Variants in ARHGEF11 observed in about 807,000 individuals in gnomAD.
ARHGEF11 encodes the protein Rho guanine nucleotide exchange factor 11, also known as Rho guanine exchange factor (GEF) 11.
A neutral mutation model predicts 193.7 loss-of-function variants in ARHGEF11; 55 were observed. That is an observed-to-expected ratio of 0.28 (90% CI 0.23 to 0.36). The LOEUF (loss-of-function observed/expected upper bound fraction) is 0.36. Among genes scored for constraint, ARHGEF11 ranks in the 10% least tolerant of loss-of-function variants. ARHGEF11 has a pLI of 1.00. For missense variants in ARHGEF11, 1,723 were observed against 2,005.6 expected (o/e 0.86, Z 2.69); for synonymous variants, 693 against 768.0 (o/e 0.90, Z 1.62).
intron 9 of ARHGEF11, 88 bp from the exon 10 acceptor site, chr1:156,969,446 G>GCTCCCTCTTCCTGCCCT: frequency 7.9e-7 from 1 of 1,263,728 alleles, no homozygotes; most frequent in Non-Finnish European, 1.1e-6. Flanking sequence ...GTGCAGGGCA[G>GCTCCCTCTTCCTGCCCT]GAAGAGGGAG....
intron 22 of ARHGEF11, 43 bp downstream of exon 22, chr1:156,951,530 C>A: frequency 6.2e-7 from 1 of 1,609,766 alleles, no homozygotes; most frequent in South Asian, 1.1e-5. Flanking sequence ...TGCCCATGAC[C>A]CACTCTTCGA....
intron 1 of ARHGEF11, among the ~76,000 whole-genome samples, chr1:156,986,666 GA>G (rs1186499270): frequency 5.3e-5 from 8 of 152,232 alleles, no homozygotes; most frequent in African/African-American, 1.9e-4. Flanking sequence ...AGGTCTGCAT[GA>G]GCACAACATG....
chr1:157,022,173 G>A (rs773057866), intron 1 of ARHGEF11, among the ~76,000 whole-genome samples: 3 of 152,192 alleles, frequency 2.0e-5, no homozygotes, highest in Non-Finnish European at 4.4e-5. Context: ...ACAATGTGCT[G>A]AGTCTAGCTA....
intron 9 of ARHGEF11, among the ~76,000 whole-genome samples, chr1:156,969,772 T>C (rs1393796912): frequency 1.3e-5 from 2 of 152,262 alleles, no homozygotes; most frequent in East Asian, 3.8e-4. Flanking sequence ...TTCTGGTATC[T>C]TACTAGCCCT....
At chr1:156,980,032 A>C (rs530708982) in intron 4 of ARHGEF11, among the ~76,000 whole-genome samples, 32 of 152,326 alleles carry the variant, frequency 2.1e-4, no homozygotes, top group Non-Finnish European at 3.8e-4. Context: ...GGTCTGAACG[A>C]CCAGGGCAGG....
rs1467971226 is a variant in ARHGEF11 at position 156,956,497 on chromosome 1, G to C, written c.1594C>G (p.Pro532Ala). The change falls in exon 19 of 41, where the codon CCT (proline) becomes GCT (alanine). Residue 532 changes from proline to alanine, a missense_variant. Physicochemically the swap from Pro to Ala is conservative, Grantham distance 27. Around this residue, in one of 5 missense-constraint regions of ARHGEF11, gnomAD observed 646 missense variants for 710.7 expected, o/e 0.91. Transcript: ENST00000368194. ...HAGIRLREARPSNTAEKAQSA... is the reference protein window; with the variant it reads ...HAGIRLREARASNTAEKAQSA... The stretch of plus-strand genomic sequence containing the variant: ...TGGGCCTTTTCAGCTGTGTTGGAAG[G>C]TCGTGCCTCTCGAAGACGGATCCCA... 6.2e-7 allele frequency: 1 copy of C among 1,614,018 alleles called. No homozygotes were observed. Among genetic ancestry groups the C allele is most frequent in the Admixed American group, 1.7e-5 (1 of 60,004 alleles).
At chr1:156,936,493 AAAAAATATATAT>A (rs1466740571) in intron 40 of ARHGEF11, among the ~76,000 whole-genome samples, 2 of 62,420 alleles carry the variant, frequency 3.2e-5, no homozygotes, top group Admixed American at 1.9e-4. Flanking sequence ...AAAAAAAAAA[AAAAAATATATAT>A]ATATATATAT....
intron 22 of ARHGEF11, chr1:156,949,199 G>A: frequency 1.3e-6 from 1 of 763,674 alleles, no homozygotes; most frequent in Non-Finnish European, 1.6e-6. Context: ...TGATAGGCAG[G>A]ACCCGCTCCT....
intron 1 of ARHGEF11, among the ~76,000 whole-genome samples, chr1:156,996,844 G>A (rs1429529066): frequency 7.0e-6 from 1 of 143,548 alleles, no homozygotes; most frequent in East Asian, 2.2e-4. Context: ...GCTGAGCTTA[G>A]GAACCTCTCT....
At chr1:156,994,564 A>C (rs1666224332) in intron 1 of ARHGEF11, among the ~76,000 whole-genome samples, 1 of 152,136 alleles carries the variant, frequency 6.6e-6, no homozygotes, top group South Asian at 2.1e-4. Flanking sequence ...CTTAGACAAA[A>C]AGAGATTTTA....
intron 1 of ARHGEF11, among the ~76,000 whole-genome samples, chr1:157,013,020 G>A (rs1045401607): frequency 1.3e-5 from 2 of 152,066 alleles, no homozygotes; most frequent in South Asian, 2.1e-4. Context: ...TTTAGGGGGC[G>A]TTGACAGGGC....
intron 21 of ARHGEF11, among the ~76,000 whole-genome samples, chr1:156,953,311 T>C (rs1244026106): frequency 6.6e-6 from 1 of 152,168 alleles, no homozygotes; most frequent in African/African-American, 2.4e-5. Context: ...TGGTGATATA[T>C]GTCTGTGGCC....
intron 4 of ARHGEF11, among the ~76,000 whole-genome samples, chr1:156,979,656 G>A (rs941619347): frequency 2.0e-5 from 3 of 152,152 alleles, no homozygotes; most frequent in African/African-American, 4.8e-5. Context: ...GAGCCACTGC[G>A]CCTGGCCCAA....
intron 4 of ARHGEF11, among the ~76,000 whole-genome samples, chr1:156,980,211 G>C (rs1390447173): frequency 6.6e-6 from 1 of 152,172 alleles, no homozygotes; most frequent in Non-Finnish European, 1.5e-5. Flanking sequence ...TAGAAGCTTG[G>C]TTGCTTTAGA....
chr1:157,045,774 G>C (rs1673255513), upstream of ARHGEF11, among the ~76,000 whole-genome samples: 2 of 150,474 alleles, frequency 1.3e-5, no homozygotes, highest in South Asian at 2.1e-4. Flanking sequence ...GCCTCCTTCC[G>C]GGCCCCTTCC....
At chr1:157,042,714 T>C (rs1672912080) in intron 1 of ARHGEF11, among the ~76,000 whole-genome samples, 1 of 152,112 alleles carries the variant, frequency 6.6e-6, no homozygotes. Flanking sequence ...GTGTCTCACA[T>C]CAACCCAGGA....
intron 1 of ARHGEF11, among the ~76,000 whole-genome samples, chr1:157,023,307 C>A (rs1319453368): frequency 1.3e-5 from 2 of 152,064 alleles, no homozygotes; most frequent in African/African-American, 4.8e-5. Context: ...GGACGAATAA[C>A]TTAAATAAAA....
intron 1 of ARHGEF11, among the ~76,000 whole-genome samples, chr1:157,014,635 G>C (rs144763928): frequency 7.6e-4 from 116 of 152,134 alleles, no homozygotes; most frequent in Non-Finnish European, 1.1e-3. Context: ...CGTCTACATC[G>C]ACTGTCTCCA....
chr1:156,965,287 C>T (rs1323803330), intron 11 of ARHGEF11, among the ~76,000 whole-genome samples: 1 of 152,150 alleles, frequency 6.6e-6, no homozygotes, highest in Non-Finnish European at 1.5e-5. Flanking sequence ...GACGCCTGAA[C>T]CCCTTAGCAA....
Sources: allele counts gnomAD v4.1 joint callset (sites outside exome capture counted in the v4.1 genomes callset), GRCh38; gene constraint gnomAD v4.1.1; regional missense constraint gnomAD v4.1.1; transcripts MANE v1.5; gene names NCBI Gene and HGNC (gene_info 2026-07-23, HGNC 2026-07-21).